Variants in CCDC62 observed in about 807,000 individuals in gnomAD.
CCDC62 encodes coiled-coil domain-containing protein 62.
CCDC62 carries 72 observed loss-of-function variants against 80.8 expected under a neutral mutation model. That is an observed-to-expected ratio of 0.89 (90% CI 0.74 to 1.08). The LOEUF (loss-of-function observed/expected upper bound fraction) is 1.08, where lower values mean the gene tolerates loss of function less well. CCDC62 is among the 50% of genes least tolerant of loss of function. The pLI is 0.00. For missense variants in CCDC62, 704 were observed against 809.4 expected (o/e 0.87, Z 1.58); for synonymous variants, 286 against 296.5 (o/e 0.96, Z 0.36).
chr12:122,806,538 G>A (rs9788290), intron 10 of CCDC62, among the ~76,000 whole-genome samples: 6,206 of 151,814 alleles, frequency 0.041, 259 homozygotes, highest in East Asian at 0.23. Flanking sequence ...TAGTGCAGTG[G>A]TGCAATCGTG....
intron 6 of CCDC62, among the ~76,000 whole-genome samples, chr12:122,793,315 C>T (rs2030743026): frequency 6.6e-6 from 1 of 152,042 alleles, no homozygotes; most frequent in Admixed American, 6.6e-5. Flanking sequence ...ATGATTTTCT[C>T]TTCGGAACTT....
intron 10 of CCDC62, among the ~76,000 whole-genome samples, chr12:122,810,703 A>G (rs1452155154): frequency 6.6e-6 from 1 of 152,216 alleles, no homozygotes; most frequent in Admixed American, 6.5e-5. Flanking sequence ...TCATGCTGCT[A>G]TAAAGACACG....
chr12:122,802,278 A>C (rs1257696912), intron 9 of CCDC62, among the ~76,000 whole-genome samples: 1 of 152,068 alleles, frequency 6.6e-6, no homozygotes, highest in Non-Finnish European at 1.5e-5. Flanking sequence ...ACCCCATATA[A>C]AAATGTCTCT....
chr12:122,818,253 C>T (rs1219676378), intron 11 of CCDC62, among the ~76,000 whole-genome samples: 1 of 151,942 alleles, frequency 6.6e-6, no homozygotes, highest in East Asian at 1.9e-4. Flanking sequence ...GAGATCAAGA[C>T]CATCCTGTCT....
chr12:122,801,992 T>C (rs1392246872), intron 9 of CCDC62, 140 bp downstream of exon 9: 1 of 883,818 alleles, frequency 1.1e-6, no homozygotes, highest in Admixed American at 2.3e-5. Flanking sequence ...TTAGGACCAA[T>C]GGTTCCCTCT....
rs747041118 is a variant in CCDC62, at chr12:122,792,084, A to C, written c.735A>C (p.Gln245His). The C allele has an allele frequency of 3.7e-6, 6 of 1,613,942 alleles. No individual in the cohort carries two copies. Among genetic ancestry groups the C allele is most frequent in the Non-Finnish European group, 5.1e-6 (6 of 1,179,818 alleles). ...GAGAAGAGATCATTCGCCTCAAGCA[A>C]GAGAAAAGTTGCCTGCACGATGAAT... Reference protein sequence around the residue: ...EQREEIIRLKQEKSCLHDELL... With the variant: ...EQREEIIRLKHEKSCLHDELL... Residue 245 changes from glutamine to histidine, a missense_variant, in exon 6 of 13, where the codon CAA (glutamine) becomes CAC (histidine). Physicochemically the swap from Gln to His is conservative, Grantham distance 24 (BLOSUM62 0). Transcript: ENST00000253079.
intron 8 of CCDC62, among the ~76,000 whole-genome samples, chr12:122,798,485 C>T (rs1382443262): frequency 6.6e-6 from 1 of 152,082 alleles, no homozygotes; most frequent in Admixed American, 6.6e-5. Context: ...TGCCTGTAGT[C>T]CCAGCTACTT....
chr12:122,805,187 C>CTT (rs35231650), intron 9 of CCDC62, among the ~76,000 whole-genome samples: 1,129 of 64,362 alleles, frequency 0.018, 45 homozygotes, highest in Middle Eastern at 0.036. Flanking sequence ...AACTGGCCGG[C>CTT]TTTTTTTTTT....
chr12:122,793,739 G>GC (rs2030771309), intron 6 of CCDC62, among the ~76,000 whole-genome samples: 1 of 152,050 alleles, frequency 6.6e-6, no homozygotes. Flanking sequence ...ACAGGTGCGA[G>GC]CCACCATGCC....
At position 122,785,728 on chromosome 12, in the gene CCDC62, G is replaced by A. The variant is rs574029827; in HGVS notation, c.406G>A (p.Glu136Lys). ...LLSEDLEARNETLSNTLVELS... is the reference protein window; with the variant it reads ...LLSEDLEARNKTLSNTLVELS... Reference sequence around the variant, plus strand: ...TGTTGTTTTCTTGTAGGCTAGAAACGAAACTCTCAGCAACACGTTAGTGGA... The same window carrying A: ...TGTTGTTTTCTTGTAGGCTAGAAACAAAACTCTCAGCAACACGTTAGTGGA... The change falls in exon 4 of 13, where the codon GAA becomes AAA. Residue 136 changes from glutamate to lysine, a missense_variant. Physicochemically the swap from Glu to Lys is moderately conservative, Grantham distance 56. Coordinates refer to ENST00000253079, the MANE Select transcript of CCDC62 (RefSeq NM_201435.5). 9.3e-6 allele frequency: 15 copies of A among 1,612,280 alleles called. No homozygotes were observed. Among genetic ancestry groups the A allele is most frequent in the African/African-American group, 2.7e-5 (2 of 74,872 alleles).
In CCDC62 at chr12:122,822,891, T is replaced by C. The variant is rs920637799; in HGVS notation, c.2002-475T>C. Among the ~76,000 whole-genome samples the C allele has an allele frequency of 2.8e-4, 43 of 152,248 alleles. 1 individual carries two copies. Among genetic ancestry groups the C allele is most frequent in the East Asian group, 1.3e-3 (7 of 5,204 alleles). On this transcript the variant is annotated intron_variant, in intron 11 of 12. Transcript: ENST00000253079. ...CCACTCATCTGCTGACAGGCACTTA[T>C]GTTGCTTCCGCATCTTGGCTGCAGT...
In CCDC62 at chr12:122,809,987, T is replaced by C. The variant is rs554900434; in HGVS notation, c.1852-3283T>C. ...CCATATGCTGAAAGCTGAAACTGGA[T>C]CCCTTCCTTACACCTTATATAAAAA... On this transcript the variant is annotated intron_variant, in intron 10 of 12. Coordinates refer to ENST00000253079, the MANE Select transcript of CCDC62 (RefSeq NM_201435.5). Among the ~76,000 whole-genome samples, 246 of 152,270 alleles carry C rather than the reference T, an allele frequency of 1.6e-3. 1 individual carries two copies. Among genetic ancestry groups the C allele is most frequent in the African/African-American group, 5.7e-3 (235 of 41,556 alleles).
intron 6 of CCDC62, among the ~76,000 whole-genome samples, chr12:122,796,881 T>C (rs1280725875): frequency 1.4e-5 from 2 of 143,850 alleles, no homozygotes; most frequent in African/African-American, 5.0e-5. Context: ...CTTCTTCTTT[T>C]TTTTTTTTTT....
At chr12:122,797,231 A>G (rs1213211117) in intron 6 of CCDC62, 76 bp from the exon 7 acceptor site, 1 of 742,620 alleles carries the variant, frequency 1.3e-6, no homozygotes, top group Non-Finnish European at 2.4e-6. Context: ...TTAGCTGAGC[A>G]TTAAATTGTT....
intron 10 of CCDC62, among the ~76,000 whole-genome samples, chr12:122,808,296 C>A (rs1456592406): frequency 4.0e-5 from 6 of 150,494 alleles, no homozygotes; most frequent in Admixed American, 3.3e-4. Flanking sequence ...GATTCAATCT[C>A]AAAAAAAAAG....
intron 6 of CCDC62, among the ~76,000 whole-genome samples, chr12:122,796,797 T>C (rs1052463829): frequency 6.6e-6 from 1 of 151,856 alleles, no homozygotes; most frequent in Admixed American, 6.6e-5. Context: ...GTATTAAGTA[T>C]AGAGATTTGG....
At chr12:122,782,304 T>C (rs1449621309) in intron 3 of CCDC62, among the ~76,000 whole-genome samples, 2 of 152,236 alleles carry the variant, frequency 1.3e-5, no homozygotes, top group Non-Finnish European at 2.9e-5. Flanking sequence ...TATCCTGTCT[T>C]AGAGATTGAG....
At chr12:122,803,717 G>A (rs754120663) in intron 9 of CCDC62, among the ~76,000 whole-genome samples, 31 of 152,050 alleles carry the variant, frequency 2.0e-4, no homozygotes, top group Admixed American at 1.3e-3. Flanking sequence ...TTAAAAAGTC[G>A]GTCATCACGC....
intron 10 of CCDC62, among the ~76,000 whole-genome samples, chr12:122,810,355 C>T (rs1206874993): frequency 7.9e-5 from 12 of 152,152 alleles, no homozygotes; most frequent in Non-Finnish European, 1.3e-4. Flanking sequence ...AACAAATGGG[C>T]GAAGGATATG....
Sources: gnomAD v4.1 joint callset for allele counts (sites outside exome capture counted in the v4.1 genomes callset) on GRCh38, gnomAD v4.1.1 for gene constraint, MANE v1.5 for transcripts, NCBI Gene and HGNC (gene_info 2026-07-23, HGNC 2026-07-21) for gene names.